MARCHF1: variants seen among roughly 807,000 people sequenced by gnomAD.
MARCHF1 encodes membrane associated ring-CH-type finger 1.
Under a neutral mutation model 54.2 loss-of-function variants are expected in MARCHF1, and 40 were observed. That is an observed-to-expected ratio of 0.74 (90% confidence interval 0.57 to 0.96). The LOEUF (loss-of-function observed/expected upper bound fraction) is 0.96, where lower values mean the gene tolerates loss of function less well. MARCHF1 is among the 40% of genes least tolerant of loss of function. MARCHF1 has a pLI of 0.00. For synonymous variants in MARCHF1, 236 were observed against 236.3 expected (o/e 1.00, Z 0.01); for missense variants, 586 against 656.5 (o/e 0.89, Z 1.17).
chr4:164,142,114 G>T (rs977896287), intron 1 of MARCHF1, among the ~76,000 whole-genome samples: 5 of 152,180 alleles, frequency 3.3e-5, no homozygotes, highest in South Asian at 2.1e-4. Flanking sequence ...CTTTTCCAAC[G>T]GGCTTAAAAC....
At chr4:164,096,456 C>T (rs961244396) in intron 2 of MARCHF1, among the ~76,000 whole-genome samples, 5 of 151,920 alleles carry the variant, frequency 3.3e-5, no homozygotes, top group African/African-American at 9.7e-5. Context: ...GAAAAACTTC[C>T]TATTTGGTAC....
At chr4:163,711,866 GTTTC>G (rs1745116997) in intron 4 of MARCHF1, among the ~76,000 whole-genome samples, 1 of 152,070 alleles carries the variant, frequency 6.6e-6, no homozygotes, top group Admixed American at 6.6e-5. Context: ...AATGCTATCT[GTTTC>G]TTTCTAGACC....
chr4:164,252,439 G>A (rs1025167211), intron 1 of MARCHF1, among the ~76,000 whole-genome samples: 1 of 152,084 alleles, frequency 6.6e-6, no homozygotes, highest in Non-Finnish European at 1.5e-5. Context: ...ACCAAGGCAG[G>A]AAGCCCTGGA....
intron 8 of MARCHF1, among the ~76,000 whole-genome samples, chr4:163,546,662 G>T (rs1738918353): frequency 6.6e-6 from 1 of 152,186 alleles, no homozygotes; most frequent in African/African-American, 2.4e-5. Flanking sequence ...ATCTGCTGAA[G>T]CCTCTTTTAG....
chr4:163,926,661 A>T (rs1751544947), intron 3 of MARCHF1, among the ~76,000 whole-genome samples: 1 of 151,688 alleles, frequency 6.6e-6, no homozygotes, highest in Admixed American at 6.6e-5. Context: ...TAATTTTAAA[A>T]ATGTCATATA....
intron 5 of MARCHF1, among the ~76,000 whole-genome samples, chr4:163,670,488 C>A (rs1314983463): frequency 6.6e-6 from 1 of 151,844 alleles, no homozygotes; most frequent in African/African-American, 2.4e-5. Flanking sequence ...ATTGCACTTT[C>A]ATTTTTCATA....
intron 8 of MARCHF1, among the ~76,000 whole-genome samples, chr4:163,579,677 G>GA (rs5863617): frequency 0.49 from 74,958 of 152,000 alleles, 18,614 homozygotes; most frequent in African/African-American, 0.55. Context: ...TAATAGAACG[G>GA]AATGAATATG....
chr4:163,944,206 T>A (rs373256511), intron 3 of MARCHF1, among the ~76,000 whole-genome samples: 32 of 150,476 alleles, frequency 2.1e-4, no homozygotes, highest in Middle Eastern at 3.4e-3. Flanking sequence ...ATGGTCTCGA[T>A]CTCCTGACCT....
At chr4:163,694,376 T>C (rs755348568) in intron 5 of MARCHF1, among the ~76,000 whole-genome samples, 1 of 152,126 alleles carries the variant, frequency 6.6e-6, no homozygotes, top group Non-Finnish European at 1.5e-5. Context: ...TACCTGCATG[T>C]AAAGAGAATC....
intron 5 of MARCHF1, among the ~76,000 whole-genome samples, chr4:163,678,045 G>C (rs1010580685): frequency 1.3e-5 from 2 of 152,220 alleles, no homozygotes; most frequent in African/African-American, 4.8e-5. Context: ...TAATGAAGAA[G>C]ATTGTGTTCT....
chr4:163,885,447 C>T (rs756451745), intron 3 of MARCHF1, among the ~76,000 whole-genome samples: 7 of 151,988 alleles, frequency 4.6e-5, no homozygotes, highest in Admixed American at 3.3e-4. Flanking sequence ...AAAGGAATAA[C>T]AAGATCTTTA....
intron 3 of MARCHF1, among the ~76,000 whole-genome samples, chr4:163,944,132 AAT>A (rs375739242): frequency 0.033 from 1,957 of 58,656 alleles, 79 homozygotes; most frequent in East Asian, 0.29. Flanking sequence ...GCACCGGGCT[AAT>A]TTTTTTTTTT....
At chr4:163,717,719 G>A (rs559119348) in intron 4 of MARCHF1, among the ~76,000 whole-genome samples, 1 of 152,262 alleles carries the variant, frequency 6.6e-6, no homozygotes, top group South Asian at 2.1e-4. Flanking sequence ...TCTCATTGTG[G>A]TTTTGATTTA....
At chr4:164,192,075 T>C (rs1458903236) in intron 1 of MARCHF1, among the ~76,000 whole-genome samples, 1 of 152,114 alleles carries the variant, frequency 6.6e-6, no homozygotes, top group East Asian at 1.9e-4. Flanking sequence ...ACTAAGTAAA[T>C]ATTAGGTAGA....
chr4:164,117,076 G>A (rs1331479223), intron 1 of MARCHF1, among the ~76,000 whole-genome samples: 7 of 151,946 alleles, frequency 4.6e-5, no homozygotes, highest in Admixed American at 4.6e-4. Context: ...TGGCCAACAT[G>A]GTGAAACCTC....
At chr4:163,697,678 G>A (rs1271613708) in intron 5 of MARCHF1, among the ~76,000 whole-genome samples, 1 of 152,100 alleles carries the variant, frequency 6.6e-6, no homozygotes, top group South Asian at 2.1e-4. Flanking sequence ...TGATTTTCCT[G>A]TGTCTAAGGA....
In MARCHF1 at chr4:163,893,526, A is replaced by G. The variant is rs115255525; in HGVS notation, c.-38-39357T>C. Among the ~76,000 whole-genome samples the G allele has an allele frequency of 6.5e-3, 991 of 152,310 alleles. 7 individuals are homozygous for G. The highest frequency in any genetic ancestry group is 0.023 in the East Asian group (118 of 5,182). On this transcript the variant is annotated intron_variant, in intron 3 of 9. Transcript: ENST00000514618. Reference sequence around the variant, plus strand: ...CTGTGTCTCCACTCATAAGATGTGCAGAAATGCAGGATGGCCATGGAAAAT... The same window carrying G: ...CTGTGTCTCCACTCATAAGATGTGCGGAAATGCAGGATGGCCATGGAAAAT...
In MARCHF1 at chr4:163,817,284, TGTGTATACATATACATAC is replaced by T. The variant is rs1748559281; in HGVS notation, c.111+36719_111+36736del. ...CCACACAGCTACATGTATGTGTTTGTGTGTATACATATACATACATACATATATATGTACATATACACA... is the reference window on the plus strand; with the variant it reads ...CCACACAGCTACATGTATGTGTTTGTATACATATATATGTACATATACACA... On this transcript the variant is annotated intron_variant, in intron 4 of 9. Transcript: ENST00000514618. 2.6e-5 allele frequency among the ~76,000 whole-genome samples: 4 copies of T among 152,110 alleles called. No homozygotes were observed. In the South Asian group the frequency reaches 8.3e-4, roughly 32 times the overall value.
At chr4:164,355,450 A>T (rs910269028) in intron 1 of MARCHF1, among the ~76,000 whole-genome samples, 1 of 129,578 alleles carries the variant, frequency 7.7e-6, no homozygotes, top group Non-Finnish European at 1.6e-5. Flanking sequence ...GAGCCCTCAG[A>T]AATAACGCCG....
Sources: allele counts gnomAD v4.1 joint callset (sites outside exome capture counted in the v4.1 genomes callset), GRCh38; gene constraint gnomAD v4.1.1; transcripts MANE v1.5; gene names NCBI Gene and HGNC (gene_info 2026-07-23, HGNC 2026-07-21).